The following RANBP2 variants were observed in gnomAD, a reference collection of about 807,000 sequenced individuals.
The protein encoded by RANBP2 is E3 SUMO-protein ligase RanBP2.
A neutral mutation model predicts 303.6 loss-of-function variants in RANBP2; 57 were observed. The observed-to-expected ratio is 0.19, with a 90% CI of 0.15 to 0.23. RANBP2 has a LOEUF of 0.23. RANBP2 is among the 10% of genes least tolerant of loss of function. RANBP2 has a pLI of 1.00. For synonymous variants in RANBP2, 1,167 were observed against 1,301.5 expected (o/e 0.90, Z 2.23); for missense variants, 3,138 against 3,780.8 (o/e 0.83, Z 4.46).
At chr2:109,170,307 C>A in the RANBP2 span, among the ~76,000 whole-genome samples, 1 of 134,044 alleles carries the variant, frequency 7.5e-6, no homozygotes, top group Non-Finnish European at 1.6e-5. Flanking sequence ...CTCTTCTCTT[C>A]TCTTCTCTCC....
the RANBP2 span, among the ~76,000 whole-genome samples, chr2:109,374,485 CCT>C: frequency 6.6e-6 from 1 of 152,196 alleles, no homozygotes; most frequent in Non-Finnish European, 1.5e-5. Context: ...AAACTGCTTC[CCT>C]CTGGGAGGCC....
chr2:109,428,975 G>A, the RANBP2 span, among the ~76,000 whole-genome samples: 6 of 152,122 alleles, frequency 3.9e-5, no homozygotes, highest in African/African-American at 7.2e-5. Flanking sequence ...TGCAGGGGAC[G>A]CCATCCAGCT....
chr2:109,585,689 A>G, the RANBP2 span: 3 of 1,427,700 alleles, frequency 2.1e-6, no homozygotes, highest in Admixed American at 5.0e-5. Context: ...AATATGAAGG[A>G]ACAACTTAGA....
the RANBP2 span, among the ~76,000 whole-genome samples, chr2:109,442,293 G>A: frequency 4.0e-5 from 6 of 148,660 alleles, no homozygotes; most frequent in East Asian, 7.8e-4. Flanking sequence ...CCTGGGCAAC[G>A]GAGTGAGACT....
At chr2:108,745,227 A>G (rs1403314719) in intron 7 of RANBP2, among the ~76,000 whole-genome samples, 1 of 145,526 alleles carries the variant, frequency 6.9e-6, no homozygotes, top group Non-Finnish European at 1.5e-5. Flanking sequence ...TATAATTTTT[A>G]GAGCTGTTGC....
chr2:108,779,146 T>C (rs2149321623), intron 25 of RANBP2, among the ~76,000 whole-genome samples: 1 of 151,502 alleles, frequency 6.6e-6, no homozygotes, highest in Admixed American at 6.6e-5. Context: ...CTTTGCAATA[T>C]GTCCTTAAGA....
chr2:109,238,814 G>T, the RANBP2 span, among the ~76,000 whole-genome samples: 5 of 152,132 alleles, frequency 3.3e-5, no homozygotes, highest in African/African-American at 1.2e-4. Flanking sequence ...CCGGCGAGGT[G>T]TGGTCTGCCC....
chr2:108,821,029 G>GT, the RANBP2 span, among the ~76,000 whole-genome samples: 1 of 150,802 alleles, frequency 6.6e-6, no homozygotes, highest in South Asian at 2.1e-4. Context: ...AAAAAAAACT[G>GT]TAAGTCTATG....
the RANBP2 span, among the ~76,000 whole-genome samples, chr2:108,938,684 T>C: frequency 6.6e-6 from 1 of 152,200 alleles, no homozygotes; most frequent in Non-Finnish European, 1.5e-5. Context: ...CTTTTTTGCC[T>C]TATCAAAATT....
At chr2:109,536,059 G>A in the RANBP2 span, among the ~76,000 whole-genome samples, 2 of 129,294 alleles carry the variant, frequency 1.5e-5, no homozygotes, top group African/African-American at 2.8e-5. Flanking sequence ...GGGTGGGGGG[G>A]GGGTCTCTCA....
At chr2:109,613,937 A>G in the RANBP2 span, 2 of 1,147,180 alleles carry the variant, frequency 1.7e-6, no homozygotes, top group Non-Finnish European at 2.1e-6. Flanking sequence ...GCGGGGCGCG[A>G]GGCTAGGCTG....
At chr2:109,031,729 G>A in the RANBP2 span, among the ~76,000 whole-genome samples, 3 of 152,196 alleles carry the variant, frequency 2.0e-5, no homozygotes, top group Non-Finnish European at 2.9e-5. Flanking sequence ...ACGCGCTGCG[G>A]GCGCCGGCGA....
At chr2:109,717,960 A>T in the RANBP2 span, among the ~76,000 whole-genome samples, 4 of 152,226 alleles carry the variant, frequency 2.6e-5, no homozygotes, top group African/African-American at 9.6e-5. Context: ...TTGTGATAAC[A>T]TTAAAAGGAA....
At chr2:108,728,662 C>G (rs1274982321) in intron 1 of RANBP2, among the ~76,000 whole-genome samples, 2 of 151,536 alleles carry the variant, frequency 1.3e-5, no homozygotes, top group Admixed American at 1.3e-4. Context: ...GAGTCTCGCT[C>G]TGTCGCCCAG....
chr2:109,381,788 T>A, the RANBP2 span, among the ~76,000 whole-genome samples: 3 of 152,084 alleles, frequency 2.0e-5, no homozygotes, highest in Non-Finnish European at 4.4e-5. Flanking sequence ...GAAGGGCAGT[T>A]GGATTTTATG....
At chr2:108,742,938 A>G (rs1338624733) in intron 7 of RANBP2, among the ~76,000 whole-genome samples, 7 of 151,590 alleles carry the variant, frequency 4.6e-5, no homozygotes, top group Non-Finnish European at 7.4e-5. Context: ...ACAGGCACCC[A>G]CCACCACGCC....
chr2:109,646,110 A>G, the RANBP2 span, among the ~76,000 whole-genome samples: 1 of 152,052 alleles, frequency 6.6e-6, no homozygotes, highest in African/African-American at 2.4e-5. Context: ...GAGGCAATCT[A>G]CCATGCTCTC....
At chr2:109,383,871 T>C in the RANBP2 span, among the ~76,000 whole-genome samples, 3 of 152,180 alleles carry the variant, frequency 2.0e-5, no homozygotes, top group African/African-American at 7.2e-5. Flanking sequence ...TTAAGTAATT[T>C]CTCATCCCTC....
the RANBP2 span, among the ~76,000 whole-genome samples, chr2:109,118,490 T>C: frequency 6.7e-6 from 1 of 148,154 alleles, no homozygotes; most frequent in African/African-American, 2.5e-5. Context: ...TTGCCAGTCC[T>C]GCTGAGTGTC....
Sources: allele counts gnomAD v4.1 joint callset (sites outside exome capture counted in the v4.1 genomes callset), GRCh38; gene constraint gnomAD v4.1.1; transcripts MANE v1.5; gene names NCBI Gene and HGNC (gene_info 2026-07-23, HGNC 2026-07-21).